The following METTL8 variants were observed in gnomAD, a reference collection of about 807,000 sequenced individuals.
METTL8 encodes methyltransferase 8, tRNA N3-cytidine.
In METTL8, 32 loss-of-function variants were observed where a neutral mutation model predicts 48.7. The ratio of observed to expected loss-of-function variants is 0.66; its 90% CI spans 0.50 to 0.88. The LOEUF (loss-of-function observed/expected upper bound fraction) is 0.88. Ranked by LOEUF, METTL8 falls within the 40% of genes least tolerant of loss-of-function variation. METTL8 has a pLI of 0.00. For missense variants in METTL8, 464 were observed against 474.4 expected, an observed-to-expected ratio of 0.98 and a Z score of 0.20; for synonymous variants, 136 against 157.1, an observed-to-expected ratio of 0.87 and a Z score of 1.01.
intron 2 of METTL8, among the ~76,000 whole-genome samples, chr2:171,379,267 A>T (rs1327518224): frequency 1.3e-5 from 2 of 152,244 alleles, no homozygotes; most frequent in Non-Finnish European, 1.5e-5. Context: ...CAGTACTAAG[A>T]GGGAAATTTA....
At chr2:171,434,482 G>A (rs1333071043), upstream of METTL8, 2 of 1,517,832 alleles carry the variant, frequency 1.3e-6, no homozygotes, top group East Asian at 5.0e-5. Flanking sequence ...GAAAGTCTGG[G>A]CCTCGAAATT....
upstream of METTL8, chr2:171,434,602 G>T (rs752565445): frequency 3.3e-6 from 5 of 1,527,920 alleles, no homozygotes; most frequent in African/African-American, 2.8e-5. Context: ...GAAGCCCAAC[G>T]TGTGCAGCCG....
At chr2:171,416,703 TGTAA>T (rs996885458) in intron 1 of METTL8, among the ~76,000 whole-genome samples, 2 of 152,224 alleles carry the variant, frequency 1.3e-5, no homozygotes, top group African/African-American at 4.8e-5. Flanking sequence ...TCAACTATCC[TGTAA>T]GTGAGGGACA....
intron 3 of METTL8, among the ~76,000 whole-genome samples, chr2:171,353,215 T>C (rs1186564419): frequency 6.6e-6 from 1 of 152,248 alleles, no homozygotes; most frequent in Non-Finnish European, 1.5e-5. Context: ...TCTGCCTTCA[T>C]TTCATTATGT....
chr2:171,390,154 G>A (rs546158497), intron 2 of METTL8, among the ~76,000 whole-genome samples: 4 of 152,298 alleles, frequency 2.6e-5, no homozygotes, highest in Admixed American at 6.5e-5. Context: ...AAGCCTGGAT[G>A]ACAACACATC....
chr2:171,396,990 CT>C (rs34793762), intron 1 of METTL8, among the ~76,000 whole-genome samples: 733 of 138,316 alleles, frequency 5.3e-3, no homozygotes, highest in East Asian at 4.8e-3. Context: ...CACCTGGCTA[CT>C]TTTTTTTTTT....
intron 1 of METTL8, among the ~76,000 whole-genome samples, chr2:171,397,352 TAAAAAAAAAAAAAAAA>T (rs71013039): frequency 5.9e-3 from 69 of 11,692 alleles, no homozygotes; most frequent in Non-Finnish European, 8.5e-3. Context: ...ACCCTGTCTC[TAAAAAAAAAAAAAAAA>T]AAAAAAAAAA....
chr2:171,363,792 T>TTATATATATATATATATATATATA lies in METTL8; in HGVS notation c.144-3280_144-3279insTATATATATATATATATATATATA, dbSNP rs200347847. Among the ~76,000 whole-genome samples, 88 of 97,430 alleles carry TTATATATATATATATATATATATA rather than the reference T, an allele frequency of 9.0e-4. 1 individual carries two copies. The highest frequency in any genetic ancestry group is 1.8e-3 in the Admixed American group (17 of 9,298). 63.9% of individuals were successfully genotyped at this position (97,430 alleles called of 152,430 possible). On this transcript the variant is annotated intron_variant, in intron 2 of 9. Coordinates refer to ENST00000375258, the MANE Select transcript of METTL8 (RefSeq NM_001321154.2). The stretch of plus-strand genomic sequence containing the variant: ...GGTTAAAAAAGTACATCCCCAAATT[T>TTATATATATATATATATATATATA]TATATATATATATATATATATATCT...
At chr2:171,373,193 G>C (rs536520341) in intron 2 of METTL8, among the ~76,000 whole-genome samples, 2 of 152,294 alleles carry the variant, frequency 1.3e-5, no homozygotes, top group South Asian at 4.1e-4. Flanking sequence ...GTGTGAGATG[G>C]TATCTCATTG....
At chr2:171,339,679 CTT>C in intron 3 of METTL8, 125 bp from the exon 4 acceptor site, 1 of 457,490 alleles carries the variant, frequency 2.2e-6, no homozygotes, top group Non-Finnish European at 3.7e-6. Context: ...AAATGAATAA[CTT>C]TAATATTATA....
chr2:171,392,908 C>T (rs1431634550), intron 1 of METTL8, among the ~76,000 whole-genome samples: 2 of 147,474 alleles, frequency 1.4e-5, no homozygotes, highest in Non-Finnish European at 3.0e-5. Flanking sequence ...ACCAGCCTGG[C>T]CAACATAGGA....
At chr2:171,433,207 T>C (rs1319562988) in intron 1 of METTL8, 4 of 152,160 alleles carry the variant, frequency 2.6e-5, no homozygotes, top group African/African-American at 4.8e-5. Flanking sequence ...TGGGAGGCAG[T>C]ACCCTGGGGT....
intron 9 of METTL8, among the ~76,000 whole-genome samples, 172 bp downstream of exon 9, chr2:171,325,669 C>T (rs553757284): frequency 2.6e-4 from 40 of 152,162 alleles, no homozygotes; most frequent in African/African-American, 8.2e-4. Context: ...AAACAGTAAA[C>T]GGCCATTTTC....
intron 3 of METTL8, among the ~76,000 whole-genome samples, chr2:171,354,147 A>G (rs1224125197): frequency 6.6e-6 from 1 of 152,152 alleles, no homozygotes; most frequent in African/African-American, 2.4e-5. Context: ...CTTGTAGGGC[A>G]GGCCTGGTGG....
intron 5 of METTL8, 191 bp from the exon 6 acceptor site, chr2:171,332,058 G>A: frequency 2.1e-6 from 1 of 469,866 alleles, no homozygotes; most frequent in South Asian, 2.5e-5. Context: ...GCTAATTTTA[G>A]ATTTTTTTGT....
chr2:171,357,625 C>T (rs1192417717), intron 3 of METTL8, among the ~76,000 whole-genome samples: 4 of 151,916 alleles, frequency 2.6e-5, no homozygotes, highest in Admixed American at 2.6e-4. Context: ...TTTATAGATT[C>T]AATGGAATCC....
chr2:171,366,115 G>C (rs1346426304), intron 2 of METTL8, among the ~76,000 whole-genome samples: 1 of 152,146 alleles, frequency 6.6e-6, no homozygotes, highest in East Asian at 1.9e-4. Context: ...CTCATCTACA[G>C]GCAGAGTCGC....
At chr2:171,336,156 G>A (rs935246857) in intron 5 of METTL8, among the ~76,000 whole-genome samples, 2 of 151,844 alleles carry the variant, frequency 1.3e-5, no homozygotes, top group African/African-American at 4.8e-5. Flanking sequence ...GAGTGCAGTG[G>A]CGCATCTCAG....
At chr2:171,376,431 T>C (rs776992868) in intron 2 of METTL8, among the ~76,000 whole-genome samples, 50 of 152,154 alleles carry the variant, frequency 3.3e-4, no homozygotes, top group South Asian at 6.2e-4. Context: ...GATGATATAA[T>C]CATATACCTA....
Sources: gnomAD v4.1 joint callset for allele counts (sites outside exome capture counted in the v4.1 genomes callset) on GRCh38, gnomAD v4.1.1 for gene constraint, MANE v1.5 for transcripts, NCBI Gene and HGNC (gene_info 2026-07-23, HGNC 2026-07-21) for gene names.